Variants in DRC8 observed in about 807,000 individuals in gnomAD.
DRC8 encodes the protein dynein regulatory complex subunit 8, also known as dynein regulatory complex protein 8.
the DRC8 span, among the ~76,000 whole-genome samples, chr1:245,108,048 G>C: frequency 6.6e-6 from 1 of 151,922 alleles, no homozygotes; most frequent in African/African-American, 2.4e-5. Flanking sequence ...TGTGCTTATC[G>C]CTTTCAGACC....
chr1:245,079,811 C>T, the DRC8 span, among the ~76,000 whole-genome samples: 9 of 152,288 alleles, frequency 5.9e-5, no homozygotes, highest in South Asian at 1.2e-3. Flanking sequence ...ATTCCTCCTC[C>T]GGAGATAACC....
chr1:245,078,424 C>T, the DRC8 span, among the ~76,000 whole-genome samples: 1 of 145,848 alleles, frequency 6.9e-6, no homozygotes, highest in Non-Finnish European at 1.5e-5. Context: ...GATATGGAAA[C>T]AACGTGTCTA....
At chr1:245,114,239 C>T in the DRC8 span, among the ~76,000 whole-genome samples, 1 of 151,802 alleles carries the variant, frequency 6.6e-6, no homozygotes, top group East Asian at 1.9e-4. Context: ...CCGAGGCAGG[C>T]GGGTCACAAG....
the DRC8 span, among the ~76,000 whole-genome samples, chr1:245,045,100 C>T: frequency 6.6e-6 from 1 of 152,184 alleles, no homozygotes; most frequent in African/African-American, 2.4e-5. Context: ...GCTTCAACCT[C>T]ACCTGCTCAA....
the DRC8 span, chr1:245,082,100 C>A: frequency 6.2e-7 from 1 of 1,609,048 alleles, no homozygotes; most frequent in Non-Finnish European, 8.5e-7. Flanking sequence ...AAGAAGAACC[C>A]ACTGGATACA....
At chr1:245,045,271 C>G in the DRC8 span, among the ~76,000 whole-genome samples, 4 of 151,810 alleles carry the variant, frequency 2.6e-5, no homozygotes, top group East Asian at 7.8e-4. Context: ...CAGCCTTCCA[C>G]AGTGCTGGGA....
chr1:245,103,110 A>T, the DRC8 span, among the ~76,000 whole-genome samples: 1 of 138,894 alleles, frequency 7.2e-6, no homozygotes, highest in Non-Finnish European at 1.5e-5. Flanking sequence ...CAGGAGGGAG[A>T]CCAGAGAGGC....
chr1:244,980,110 T>G, the DRC8 span, among the ~76,000 whole-genome samples: 4 of 143,602 alleles, frequency 2.8e-5, no homozygotes, highest in Admixed American at 2.9e-4. Context: ...TCCCAGGTAC[T>G]TGGGAGGCTG....
At chr1:245,081,528 G>T in the DRC8 span, among the ~76,000 whole-genome samples, 5 of 151,978 alleles carry the variant, frequency 3.3e-5, no homozygotes, top group Non-Finnish European at 7.4e-5. Flanking sequence ...GAGTACAGTG[G>T]TGCGATCTCG....
At chr1:245,047,974 C>CA in the DRC8 span, among the ~76,000 whole-genome samples, 163 of 102,764 alleles carry the variant, frequency 1.6e-3, 1 homozygote, top group Middle Eastern at 0.014. Flanking sequence ...GACTCTGTCT[C>CA]AAAAAAAAAA....
chr1:245,063,900 T>C, the DRC8 span, among the ~76,000 whole-genome samples: 3 of 152,128 alleles, frequency 2.0e-5, no homozygotes, highest in Non-Finnish European at 4.4e-5. Flanking sequence ...TTTTTATATT[T>C]TTAGTAGAGA....
the DRC8 span, among the ~76,000 whole-genome samples, chr1:244,998,612 G>A: frequency 1.3e-5 from 2 of 152,106 alleles, no homozygotes; most frequent in African/African-American, 4.8e-5. Context: ...AATATCAAAC[G>A]ATTCTGGCTA....
the DRC8 span, among the ~76,000 whole-genome samples, chr1:245,119,444 C>T: frequency 2.0e-5 from 3 of 151,112 alleles, no homozygotes; most frequent in Admixed American, 6.6e-5. Flanking sequence ...GAGGCCGAGG[C>T]AGGAGGCCAG....
chr1:245,034,939 G>C, the DRC8 span, among the ~76,000 whole-genome samples: 3 of 149,828 alleles, frequency 2.0e-5, no homozygotes, highest in Non-Finnish European at 4.4e-5. Flanking sequence ...ACAAATGCAA[G>C]ATAACTTGGG....
chr1:244,991,245 A>G, the DRC8 span, among the ~76,000 whole-genome samples: 1 of 152,198 alleles, frequency 6.6e-6, no homozygotes, highest in East Asian at 1.9e-4. Flanking sequence ...GGAGTGACAT[A>G]AAGGGTGCGG....
chr1:245,010,010 G>C, the DRC8 span, among the ~76,000 whole-genome samples: 1 of 151,936 alleles, frequency 6.6e-6, no homozygotes, highest in East Asian at 1.9e-4. Context: ...ACAGGCGTGC[G>C]CCACCACGTC....
the DRC8 span, chr1:245,083,375 G>C: frequency 6.9e-7 from 1 of 1,448,540 alleles, no homozygotes; most frequent in Non-Finnish European, 9.7e-7. Context: ...GTTGGAGACT[G>C]CTGATTTATT....
chr1:245,070,656 G>C, the DRC8 span, among the ~76,000 whole-genome samples: 1 of 152,290 alleles, frequency 6.6e-6, no homozygotes, highest in East Asian at 1.9e-4. Flanking sequence ...ACAGCTTGGA[G>C]CCCTTTGTAC....
At chr1:245,041,568 G>C in the DRC8 span, among the ~76,000 whole-genome samples, 10 of 152,240 alleles carry the variant, frequency 6.6e-5, no homozygotes, top group Middle Eastern at 6.8e-3. Context: ...TGTCATTATT[G>C]TTATTGTTAT....
Sources: gnomAD v4.1 joint callset for allele counts (sites outside exome capture counted in the v4.1 genomes callset) on GRCh38, gnomAD v4.1.1 for gene constraint, MANE v1.5 for transcripts, NCBI Gene and HGNC (gene_info 2026-07-23, HGNC 2026-07-21) for gene names.